Variants in CAMK1D observed in about 807,000 individuals in gnomAD.
CAMK1D encodes the protein calcium/calmodulin dependent protein kinase ID.
CAMK1D carries 9 observed loss-of-function variants against 47.7 expected under a neutral mutation model. That is an observed-to-expected ratio of 0.19 (90% CI 0.11 to 0.33). The LOEUF is 0.33. Ranked by LOEUF, CAMK1D falls within the 10% of genes least tolerant of loss-of-function variation. The probability of loss-of-function intolerance (pLI) is 1.00; values close to 1 mark genes in which losing one functional copy is unlikely to be tolerated. For synonymous variants in CAMK1D, 184 were observed against 184.9 expected, an observed-to-expected ratio of 0.99 and a Z score of 0.04; for missense variants, 291 against 488.7, an observed-to-expected ratio of 0.60 and a Z score of 3.81.
At chr10:12,808,779 A>G (rs973823926) in intron 6 of CAMK1D, among the ~76,000 whole-genome samples, 1 of 152,110 alleles carries the variant, frequency 6.6e-6, no homozygotes, top group African/African-American at 2.4e-5. Flanking sequence ...ACTCCTTCTC[A>G]AAAAACAAAC....
chr10:12,537,138 C>T (rs919416942), intron 1 of CAMK1D, among the ~76,000 whole-genome samples: 1 of 151,998 alleles, frequency 6.6e-6, no homozygotes, highest in Non-Finnish European at 1.5e-5. Context: ...GTGGTGTGAT[C>T]TCAGCTCACT....
At chr10:12,810,522 G>A (rs547146984) in intron 6 of CAMK1D, among the ~76,000 whole-genome samples, 8 of 152,218 alleles carry the variant, frequency 5.3e-5, no homozygotes, top group African/African-American at 1.4e-4. Flanking sequence ...TGATCTCCTC[G>A]CCTTGGCCTC....
At chr10:12,402,631 T>G (rs1448974377) in intron 1 of CAMK1D, among the ~76,000 whole-genome samples, 1 of 152,162 alleles carries the variant, frequency 6.6e-6, no homozygotes, top group Admixed American at 6.5e-5. Context: ...AGACTGGCGT[T>G]AGGGATTCCA....
chr10:12,490,813 C>T (rs1200687760), intron 1 of CAMK1D, among the ~76,000 whole-genome samples: 1 of 152,114 alleles, frequency 6.6e-6, no homozygotes. Flanking sequence ...AAAGAAAAAC[C>T]ACAGAGAAAT....
chr10:12,358,604 G>A (rs1837579406), intron 1 of CAMK1D, among the ~76,000 whole-genome samples: 2 of 152,120 alleles, frequency 1.3e-5, no homozygotes, highest in Admixed American at 6.6e-5. Context: ...GCAAGCCTTT[G>A]ATAGGGTATA....
chr10:12,802,770 G>T (rs368347731), intron 6 of CAMK1D, among the ~76,000 whole-genome samples: 1 of 152,124 alleles, frequency 6.6e-6, no homozygotes, highest in African/African-American at 2.4e-5. Context: ...TCCGTCCACC[G>T]TGGCCTCCCA....
Position 12,560,368 on chromosome 10 carries a change from C to G in CAMK1D, c.224+7012C>G, listed in dbSNP as rs543701418. ...AGGAGTTAGAGACCAGCCTGGCCAA[C>G]GTGGTGAAACCCCGTCTCTACCAAA... On this transcript the variant is annotated intron_variant, in intron 2 of 10. Transcript: ENST00000619168. 1.4e-3 allele frequency among the ~76,000 whole-genome samples: 216 copies of G among 152,004 alleles called. 1 individual carries two copies. Among genetic ancestry groups the G allele is most frequent in the African/African-American group, 4.8e-3 (200 of 41,444 alleles).
At chr10:12,510,522 A>C (rs558062012) in intron 1 of CAMK1D, among the ~76,000 whole-genome samples, 1 of 152,172 alleles carries the variant, frequency 6.6e-6, no homozygotes, top group African/African-American at 2.4e-5. Flanking sequence ...CCACACAAAC[A>C]CTCCTTCGAA....
At chr10:12,673,136 C>T (rs908971166) in intron 3 of CAMK1D, among the ~76,000 whole-genome samples, 13 of 152,116 alleles carry the variant, frequency 8.5e-5, no homozygotes, top group African/African-American at 2.9e-4. Flanking sequence ...CCTCCTGTCT[C>T]GGCCTCCCAA....
At chr10:12,526,067 A>G (rs543531138) in intron 1 of CAMK1D, among the ~76,000 whole-genome samples, 4 of 152,258 alleles carry the variant, frequency 2.6e-5, no homozygotes, top group South Asian at 2.1e-4. Flanking sequence ...CCTATGTCCT[A>G]TGTATTTTGA....
intron 1 of CAMK1D, among the ~76,000 whole-genome samples, chr10:12,547,262 A>G (rs1193629814): frequency 1.3e-5 from 2 of 152,252 alleles, no homozygotes; most frequent in African/African-American, 4.8e-5. Flanking sequence ...CATTGGGTTT[A>G]GCAACTAGGG....
At chr10:12,747,015 T>A (rs151051539) in intron 3 of CAMK1D, among the ~76,000 whole-genome samples, 666 of 149,438 alleles carry the variant, frequency 4.5e-3, no homozygotes, top group African/African-American at 9.8e-3. Flanking sequence ...GTTTTTTTTT[T>A]AATTTAATTC....
At chr10:12,370,624 C>G (rs1263523180) in intron 1 of CAMK1D, among the ~76,000 whole-genome samples, 1 of 152,068 alleles carries the variant, frequency 6.6e-6, no homozygotes, top group Non-Finnish European at 1.5e-5. Context: ...TCTTTGTTTT[C>G]TTTTTTTGAG....
chr10:12,546,361 A>G (rs1365081298), intron 1 of CAMK1D, among the ~76,000 whole-genome samples: 1 of 138,554 alleles, frequency 7.2e-6, no homozygotes, highest in Non-Finnish European at 1.6e-5. Context: ...GGTGATGGAA[A>G]TGACAGAGAC....
At position 12,693,962 on chromosome 10, in the gene CAMK1D, A is replaced by G. The variant is rs529796739; in HGVS notation, c.299+27152A>G. Among the ~76,000 whole-genome samples the G allele has an allele frequency of 4.8e-3, 177 of 36,980 alleles. 2 individuals carry two copies. In the Middle Eastern group the frequency reaches 0.052, roughly 11 times the overall value. 24.3% of individuals were successfully genotyped at this position (36,980 alleles called of 152,430 possible). A position where few individuals can be genotyped will look rare whatever the true frequency, so the allele number is the denominator to read the frequency against. On this transcript the variant is annotated intron_variant, in intron 3 of 10. Transcript: ENST00000619168. The stretch of plus-strand genomic sequence containing the variant: ...ATAAAATATATAATATATATTATAT[A>G]TAAAATATATAATATATATTATATA...
chr10:12,709,362 A>T (rs1482096998), intron 3 of CAMK1D, among the ~76,000 whole-genome samples: 1 of 152,036 alleles, frequency 6.6e-6, no homozygotes, highest in African/African-American at 2.4e-5. Flanking sequence ...CAGTGGCTGC[A>T]GAAGGCACCA....
chr10:12,822,664 A>G (rs1833056394), intron 8 of CAMK1D, among the ~76,000 whole-genome samples: 1 of 152,200 alleles, frequency 6.6e-6, no homozygotes, highest in Non-Finnish European at 1.5e-5. Context: ...TGTCGTTTCT[A>G]AGAAAGAGCT....
chr10:12,559,597 T>C (rs1836873276), intron 2 of CAMK1D, among the ~76,000 whole-genome samples: 1 of 152,104 alleles, frequency 6.6e-6, no homozygotes, highest in Non-Finnish European at 1.5e-5. Context: ...AGAGGCTTCA[T>C]TGAGAGGAGC....
chr10:12,628,096 A>C (rs111679217), intron 2 of CAMK1D, among the ~76,000 whole-genome samples: 38,766 of 149,682 alleles, frequency 0.26, 5,327 homozygotes, highest in South Asian at 0.38. Context: ...AAAACAAAAA[A>C]CAAAAAACAA....
Sources: gnomAD v4.1 joint callset for allele counts (sites outside exome capture counted in the v4.1 genomes callset) on GRCh38, gnomAD v4.1.1 for gene constraint, MANE v1.5 for transcripts, NCBI Gene and HGNC (gene_info 2026-07-23, HGNC 2026-07-21) for gene names.